The following GPM6B variants were observed in gnomAD, a reference collection of about 807,000 sequenced individuals.
GPM6B encodes glycoprotein M6B, also known as neuronal membrane glycoprotein M6-b.
A neutral mutation model predicts 27.2 loss-of-function variants in GPM6B; 4 were observed. The ratio of observed to expected loss-of-function variants is 0.15; its 90% CI spans 0.07 to 0.34. The LOEUF is 0.34. Ranked by LOEUF, GPM6B falls within the 10% of genes least tolerant of loss-of-function variation. GPM6B has a pLI of 1.00. For missense variants in GPM6B, 183 were observed against 261.9 expected (o/e 0.70, Z 2.08); for synonymous variants, 124 against 103.1 (o/e 1.20, Z -1.23).
chrX:13,936,592 A>G (rs1413410457), intron 1 of GPM6B, among the ~76,000 whole-genome samples: 1 of 112,725 alleles, frequency 8.9e-6, no homozygotes, highest in African/African-American at 3.2e-5. Flanking sequence ...AAAGGAAATC[A>G]GTATGTTTCC....
chrX:13,804,686 A>G lies in GPM6B; in HGVS notation c.181+2964T>C, dbSNP rs767466846. On this transcript the variant is annotated intron_variant, in intron 2 of 7. Transcript: ENST00000316715. ...CCTGGAGAAGGGCAGTCTCTGCTACAGTAACTGCATGAGTGGGAGAGGCAT... is the reference window on the plus strand; with the variant it reads ...CCTGGAGAAGGGCAGTCTCTGCTACGGTAACTGCATGAGTGGGAGAGGCAT... Among the ~76,000 whole-genome samples the G allele has an allele frequency of 7.2e-5, 8 of 110,599 alleles. No homozygotes were observed. The South Asian group carries it at 2.3e-3, about 32-fold the overall frequency.
chrX:13,861,481 A>T (rs952277806), intron 1 of GPM6B, among the ~76,000 whole-genome samples: 39 of 111,559 alleles, frequency 3.5e-4, no homozygotes, highest in Non-Finnish European at 7.2e-4. Flanking sequence ...TTATTTTTTT[A>T]TTTACAAAAA....
chrX:13,926,551 T>C (rs1232629042), intron 1 of GPM6B, among the ~76,000 whole-genome samples: 1 of 111,487 alleles, frequency 9.0e-6, no homozygotes, highest in Non-Finnish European at 1.9e-5. Context: ...ATGAAGACAG[T>C]GTAATAGTAG....
chrX:13,823,984 T>C (rs572928654), intron 1 of GPM6B, among the ~76,000 whole-genome samples: 1 of 112,540 alleles, frequency 8.9e-6, no homozygotes, highest in African/African-American at 3.2e-5. Flanking sequence ...ATGTGCCTCC[T>C]CAGCACTGGT....
chrX:13,829,749 A>C (rs922419447), intron 1 of GPM6B, among the ~76,000 whole-genome samples: 4 of 112,036 alleles, frequency 3.6e-5, no homozygotes, highest in Non-Finnish European at 7.5e-5. Context: ...GGGATTAAAA[A>C]AAGACATGCC....
At chrX:13,907,032 C>G (rs1603128738) in intron 1 of GPM6B, among the ~76,000 whole-genome samples, 1 of 112,419 alleles carries the variant, frequency 8.9e-6, no homozygotes, top group South Asian at 3.7e-4. Flanking sequence ...AGTCTCTATG[C>G]TTTTTCTGTT....
In GPM6B at chrX:13,865,571, G is replaced by GAAAGAAAGAAAGA. The variant is rs1555923757; in HGVS notation, c.-198+72755_-198+72756insTCTTTCTTTCTTT. Among the ~76,000 whole-genome samples the GAAAGAAAGAAAGA allele has an allele frequency of 5.7e-4, 31 of 54,611 alleles. 1 individual carries two copies. Among genetic ancestry groups the GAAAGAAAGAAAGA allele is most frequent in the Non-Finnish European group, 1.1e-3 (29 of 27,584 alleles). 47.4% of individuals were successfully genotyped at this position (54,611 alleles called of 115,157 possible). A position where few individuals can be genotyped will look rare whatever the true frequency, so the allele number is the denominator to read the frequency against. On this transcript the variant is annotated intron_variant, in intron 1 of 6. Coordinates refer to the GPM6B transcript ENST00000398361. The stretch of plus-strand genomic sequence containing the variant: ...AAAAAAAAAAAAAAAAAGAAAGAAA[G>GAAAGAAAGAAAGA]AAAGAAAAGAAAAGAAAAAAAAAAC...
intron 1 of GPM6B, among the ~76,000 whole-genome samples, chrX:13,813,900 C>T (rs1477071636): frequency 8.9e-6 from 1 of 112,370 alleles, no homozygotes; most frequent in East Asian, 2.8e-4. Flanking sequence ...CTAAGAAAAT[C>T]TGCTTGTTTT....
At chrX:13,938,428 G>A, upstream of GPM6B, 1 of 477,505 alleles carries the variant, frequency 2.1e-6, no homozygotes, top group Non-Finnish European at 3.0e-6. Flanking sequence ...GGGAGGGGCG[G>A]GACCCTCGGA....
At chrX:13,872,824 A>G (rs2049993571) in intron 1 of GPM6B, among the ~76,000 whole-genome samples, 1 of 111,275 alleles carries the variant, frequency 9.0e-6, no homozygotes, top group Admixed American at 9.5e-5. Flanking sequence ...GCAACTGAAC[A>G]TGATCTTGGA....
chrX:13,819,443 ATTTC>A (rs1440291182), upstream of GPM6B, among the ~76,000 whole-genome samples: 1 of 112,190 alleles, frequency 8.9e-6, no homozygotes, highest in African/African-American at 3.2e-5. Flanking sequence ...AGCTGAAAAT[ATTTC>A]TTTGAGCCCC....
intron 1 of GPM6B, among the ~76,000 whole-genome samples, chrX:13,814,764 G>T (rs2049203194): frequency 9.0e-6 from 1 of 111,421 alleles, no homozygotes; most frequent in Admixed American, 9.5e-5. Context: ...CCACCCTCCA[G>T]ATCAACAATT....
intron 2 of GPM6B, among the ~76,000 whole-genome samples, chrX:13,804,434 G>A (rs1189824253): frequency 6.2e-5 from 1 of 16,037 alleles, no homozygotes; most frequent in Non-Finnish European, 1.0e-4. Context: ...GGCGGGGGGC[G>A]GGGGTAGCCC....
chrX:13,931,212 C>G (rs1921505558), intron 1 of GPM6B, among the ~76,000 whole-genome samples: 1 of 107,980 alleles, frequency 9.3e-6, no homozygotes, highest in Non-Finnish European at 1.9e-5. Context: ...ACAACAACAA[C>G]AAATCCCACT....
At chrX:13,883,637 C>T (rs1179591654) in intron 1 of GPM6B, among the ~76,000 whole-genome samples, 1 of 81,482 alleles carries the variant, frequency 1.2e-5, no homozygotes, top group East Asian at 3.9e-4. Context: ...GTGGGAGAAT[C>T]ACTTGAGCCC....
intron 1 of GPM6B, among the ~76,000 whole-genome samples, chrX:13,877,851 A>AT (rs869125061): frequency 3.8e-5 from 4 of 105,497 alleles, no homozygotes; most frequent in Admixed American, 1.0e-4. Context: ...AAAAAAAAAA[A>AT]TTCACCATAT....
intron 1 of GPM6B, among the ~76,000 whole-genome samples, chrX:13,856,270 CCCAACAGGATACAATA>C (rs1175197593): frequency 9.0e-6 from 1 of 111,675 alleles, no homozygotes; most frequent in Non-Finnish European, 1.9e-5. Flanking sequence ...ACCAAAGAGT[CCCAACAGGATACAATA>C]TTTTAGTAAT....
At chrX:13,898,938 G>A (rs371872570) in intron 1 of GPM6B, among the ~76,000 whole-genome samples, 17 of 111,354 alleles carry the variant, frequency 1.5e-4, no homozygotes, top group East Asian at 1.4e-3. Flanking sequence ...TTTTAAAAGC[G>A]GATCTACATA....
chrX:13,837,724 G>GCGGC (rs35999527), intron 1 of GPM6B, among the ~76,000 whole-genome samples: 1 of 32,882 alleles, frequency 3.0e-5, no homozygotes, highest in Admixed American at 3.6e-4. Context: ...GGGGGGGGGG[G>GCGGC]GGGGAAGCAG....
Sources: gnomAD v4.1 joint callset for allele counts (sites outside exome capture counted in the v4.1 genomes callset) on GRCh38, gnomAD v4.1.1 for gene constraint, MANE v1.5 for transcripts, NCBI Gene and HGNC (gene_info 2026-07-23, HGNC 2026-07-21) for gene names.